Variants in GNB4 observed in about 807,000 individuals in gnomAD.
GNB4 encodes guanine nucleotide-binding protein subunit beta-4.
In GNB4, 28 loss-of-function variants were observed where a neutral mutation model predicts 45.2. That is an observed-to-expected ratio of 0.62 (90% CI 0.46 to 0.85). The LOEUF is 0.85. Ranked by LOEUF, GNB4 falls within the 40% of genes least tolerant of loss-of-function variation. The probability of loss-of-function intolerance (pLI) is 0.00; values close to 1 mark genes in which losing one functional copy is unlikely to be tolerated. For synonymous variants in GNB4, 132 were observed against 143.7 expected (o/e 0.92, Z 0.58); for missense variants, 321 against 425.4 (o/e 0.75, Z 2.16).
chr3:179,432,339 T>TA (rs397716057), intron 1 of GNB4, among the ~76,000 whole-genome samples: 8 of 151,130 alleles, frequency 5.3e-5, no homozygotes, highest in African/African-American at 9.7e-5. Context: ...TTTCACTCTT[T>TA]AAAAAAAAAC....
chr3:179,516,837 G>T, the GNB4 span, among the ~76,000 whole-genome samples: 1 of 152,190 alleles, frequency 6.6e-6, no homozygotes, highest in Non-Finnish European at 1.5e-5. Flanking sequence ...AGGGACAGAA[G>T]TTGGAATGCT....
the GNB4 span, among the ~76,000 whole-genome samples, chr3:179,457,665 T>C: frequency 6.6e-6 from 1 of 152,180 alleles, no homozygotes; most frequent in African/African-American, 2.4e-5. Flanking sequence ...TAAAAAGGTA[T>C]CTTCGTATCT....
intron 4 of GNB4, 105 bp downstream of exon 4, chr3:179,419,294 T>G (rs1260629304): frequency 1.3e-6 from 1 of 775,008 alleles, no homozygotes; most frequent in African/African-American, 1.7e-5. Context: ...CTGCAAACGC[T>G]TCATGAATAT....
Position 179,443,832 on chromosome 3 carries a change from C to A in GNB4, c.-43+7514G>T, listed in dbSNP as rs74805462. Among the ~76,000 whole-genome samples, 43 of 152,270 alleles carry A rather than the reference C, an allele frequency of 2.8e-4. No individual in the cohort carries two copies. In the East Asian group the frequency reaches 7.9e-3, roughly 28 times the overall value. On this transcript the variant is annotated intron_variant, in intron 1 of 9. Transcript: ENST00000232564. ...TAACTGAAGTTATTTGGGATTCTAT[C>A]CCATCCCCAATTCTCTACCCCACCA...
chr3:179,509,391 A>C, the GNB4 span, among the ~76,000 whole-genome samples: 1 of 152,184 alleles, frequency 6.6e-6, no homozygotes, highest in Non-Finnish European at 1.5e-5. Flanking sequence ...CTAGATATTC[A>C]CACTGGCATT....
chr3:179,426,056 T>A, intron 2 of GNB4, 88 bp downstream of exon 2: 1 of 985,024 alleles, frequency 1.0e-6, no homozygotes, highest in South Asian at 1.5e-5. Context: ...TTAGAAATCA[T>A]TTAATATAGA....
At chr3:179,401,503 AG>A (rs1714300991) in intron 9 of GNB4, among the ~76,000 whole-genome samples, 184 bp from the exon 10 acceptor site, 1 of 152,248 alleles carries the variant, frequency 6.6e-6, no homozygotes, top group Non-Finnish European at 1.5e-5. Flanking sequence ...ACAAGTTAGG[AG>A]TAAGCTGGAT....
intron 1 of GNB4, among the ~76,000 whole-genome samples, chr3:179,430,383 C>T (rs961593645): frequency 1.3e-5 from 2 of 152,136 alleles, no homozygotes; most frequent in African/African-American, 4.8e-5. Context: ...AGTCACTGTA[C>T]CTGGCCCTTC....
intron 1 of GNB4, among the ~76,000 whole-genome samples, chr3:179,426,550 A>G (rs1383955746): frequency 6.6e-6 from 1 of 152,140 alleles, no homozygotes; most frequent in African/African-American, 2.4e-5. Flanking sequence ...GAGGACACCA[A>G]GAGACTTCCC....
chr3:179,512,384 TTA>T, the GNB4 span, among the ~76,000 whole-genome samples: 2 of 152,194 alleles, frequency 1.3e-5, no homozygotes, highest in Admixed American at 1.3e-4. Flanking sequence ...AGCTTTAGAA[TTA>T]TATATTCTTC....
Position 179,413,946 on chromosome 3 carries a change from A to G in GNB4, c.431-165T>C, listed in dbSNP as rs540751880. 3.9e-5 allele frequency among the ~76,000 whole-genome samples: 6 copies of G among 152,342 alleles called. No homozygotes were observed. In the East Asian group the frequency reaches 1.2e-3, roughly 29 times the overall value. ...AGTTACTTCAAATCCTACATTGTCT[A>G]TAAACCAAATTTTATCCACAAACCA... On this transcript the variant is annotated intron_variant, in intron 6 of 9. Coordinates refer to ENST00000232564, the MANE Select transcript of GNB4 (RefSeq NM_021629.4).
the GNB4 span, among the ~76,000 whole-genome samples, chr3:179,473,457 A>T: frequency 3.3e-5 from 5 of 151,752 alleles, no homozygotes; most frequent in African/African-American, 1.2e-4. Flanking sequence ...TTTTTTAGAG[A>T]CAAGGTCTCA....
the GNB4 span, among the ~76,000 whole-genome samples, chr3:179,501,444 A>C: frequency 6.6e-6 from 1 of 150,560 alleles, no homozygotes; most frequent in African/African-American, 2.4e-5. Flanking sequence ...GACCACAGGC[A>C]TGTGCCACCA....
chr3:179,526,575 G>T, the GNB4 span, among the ~76,000 whole-genome samples: 1 of 152,152 alleles, frequency 6.6e-6, no homozygotes, highest in South Asian at 2.1e-4. Context: ...ACCCTGGAAG[G>T]CCACCCTGAG....
chr3:179,416,593 AGGG>A, intron 4 of GNB4, 37 bp from the exon 5 acceptor site: 1 of 1,368,318 alleles, frequency 7.3e-7, no homozygotes. Context: ...TGACACTTAG[AGGG>A]AAAAAATAGC....
At chr3:179,404,646 A>G (rs1577024724) in intron 9 of GNB4, among the ~76,000 whole-genome samples, 1 of 152,238 alleles carries the variant, frequency 6.6e-6, no homozygotes, top group East Asian at 1.9e-4. Context: ...AACAAGCTAT[A>G]TAGGACAACT....
chr3:179,424,463 A>T (rs1385890558), intron 2 of GNB4, among the ~76,000 whole-genome samples: 1 of 152,228 alleles, frequency 6.6e-6, no homozygotes, highest in African/African-American at 2.4e-5. Flanking sequence ...TCTTATTCAC[A>T]TCTAAATAGT....
chr3:179,431,760 T>C (rs1295139195), intron 1 of GNB4, among the ~76,000 whole-genome samples: 9 of 152,292 alleles, frequency 5.9e-5, no homozygotes, highest in Middle Eastern at 6.8e-3. Context: ...CTTCATACTG[T>C]AGCACATCAG....
At chr3:179,420,499 C>T (rs998695276) in intron 3 of GNB4, among the ~76,000 whole-genome samples, 2 of 150,000 alleles carry the variant, frequency 1.3e-5, no homozygotes, top group East Asian at 3.9e-4. Flanking sequence ...TCTCACTCTT[C>T]TCGCCCAGGC....
Sources: gnomAD v4.1 joint callset for allele counts (sites outside exome capture counted in the v4.1 genomes callset) on GRCh38, gnomAD v4.1.1 for gene constraint, MANE v1.5 for transcripts, NCBI Gene and HGNC (gene_info 2026-07-23, HGNC 2026-07-21) for gene names.